Variants in TENM3 observed in about 807,000 individuals in gnomAD.
TENM3 encodes teneurin transmembrane protein 3, also known as teneurin-3.
Under a neutral mutation model 255.1 loss-of-function variants are expected in TENM3, and 63 were observed. The ratio of observed to expected loss-of-function variants is 0.25; its 90% CI spans 0.20 to 0.30. The LOEUF is 0.30. TENM3 is among the 10% of genes least tolerant of loss of function. The probability of loss-of-function intolerance (pLI) is 1.00; values close to 1 mark genes in which losing one functional copy is unlikely to be tolerated. For synonymous variants in TENM3, 1,306 were observed against 1,322.3 expected (o/e 0.99, Z 0.27); for missense variants, 2,929 against 3,461.1 (o/e 0.85, Z 3.86).
At chr4:182,222,040 G>A (rs1290485734) in intron 1 of TENM3, among the ~76,000 whole-genome samples, 3 of 152,164 alleles carry the variant, frequency 2.0e-5, no homozygotes, top group Non-Finnish European at 2.9e-5. Context: ...CCTTGTTAAA[G>A]TTCAAGGCTT....
chr4:181,944,579 G>A, the TENM3 span, among the ~76,000 whole-genome samples: 1 of 152,138 alleles, frequency 6.6e-6, no homozygotes, highest in Non-Finnish European at 1.5e-5. Flanking sequence ...TACCATCACA[G>A]AGAGAGTATA....
At chr4:181,626,643 A>T in the TENM3 span, among the ~76,000 whole-genome samples, 1 of 152,152 alleles carries the variant, frequency 6.6e-6, no homozygotes, top group African/African-American at 2.4e-5. Flanking sequence ...ACTCATTACC[A>T]TGGGAATGGA....
At chr4:181,980,722 A>T in the TENM3 span, among the ~76,000 whole-genome samples, 1 of 152,236 alleles carries the variant, frequency 6.6e-6, no homozygotes, top group African/African-American at 2.4e-5. Flanking sequence ...TAGTCATTTA[A>T]CAATAACTAG....
the TENM3 span, among the ~76,000 whole-genome samples, chr4:182,135,204 CAAAAAAAAAAAAAAAA>C: frequency 1.1e-4 from 9 of 81,564 alleles, no homozygotes; most frequent in African/African-American, 3.8e-4. Context: ...GACTCGGTCT[CAAAAAAAAAAAAAAAA>C]AAAAAAAAAA....
the TENM3 span, among the ~76,000 whole-genome samples, chr4:181,878,238 G>C: frequency 3.3e-5 from 5 of 151,918 alleles, no homozygotes; most frequent in East Asian, 9.7e-4. Flanking sequence ...CATTATATTC[G>C]GGTGAATGGA....
the TENM3 span, among the ~76,000 whole-genome samples, chr4:181,486,801 C>T: frequency 4.3e-3 from 660 of 152,218 alleles, 26 homozygotes; most frequent in Admixed American, 0.036. Flanking sequence ...AACCTAAAGA[C>T]GATAGCTACA....
the TENM3 span, among the ~76,000 whole-genome samples, chr4:181,909,803 C>T: frequency 2.0e-5 from 3 of 152,162 alleles, no homozygotes; most frequent in African/African-American, 7.2e-5. Context: ...CATTAACCTA[C>T]GCAATACTAA....
intron 1 of TENM3, among the ~76,000 whole-genome samples, chr4:182,287,069 A>G (rs1004660032): frequency 1.3e-5 from 2 of 152,276 alleles, no homozygotes; most frequent in East Asian, 1.9e-4. Flanking sequence ...TCTACAAAAA[A>G]GTTTAAAAAT....
chr4:182,316,690 A>G (rs1189454732), intron 1 of TENM3, among the ~76,000 whole-genome samples: 1 of 147,908 alleles, frequency 6.8e-6, no homozygotes, highest in Non-Finnish European at 1.5e-5. Flanking sequence ...TGTGCCCTCC[A>G]GTGGTCTCCT....
At chr4:182,425,962 C>G (rs1372426924) in intron 3 of TENM3, among the ~76,000 whole-genome samples, 4 of 135,378 alleles carry the variant, frequency 3.0e-5, no homozygotes, top group Non-Finnish European at 6.1e-5. Context: ...GAGCTGTGAT[C>G]GCACCATTGC....
chr4:182,016,805 G>T, the TENM3 span, among the ~76,000 whole-genome samples: 1 of 152,102 alleles, frequency 6.6e-6, no homozygotes, highest in Non-Finnish European at 1.5e-5. Flanking sequence ...TTTGTTATTA[G>T]TATTCACTTT....
At chr4:181,693,744 T>G in the TENM3 span, among the ~76,000 whole-genome samples, 1 of 152,154 alleles carries the variant, frequency 6.6e-6, no homozygotes, top group South Asian at 2.1e-4. Context: ...CTTCCGGAAA[T>G]CCTACCCTCA....
the TENM3 span, among the ~76,000 whole-genome samples, chr4:181,973,742 C>G: frequency 6.6e-6 from 1 of 152,136 alleles, no homozygotes; most frequent in Admixed American, 6.5e-5. Context: ...GCCTGGGTGA[C>G]AGAGCCAGGC....
the TENM3 span, among the ~76,000 whole-genome samples, chr4:181,671,110 G>A: frequency 6.6e-6 from 1 of 152,126 alleles, no homozygotes; most frequent in Non-Finnish European, 1.5e-5. Context: ...TAAACGGTTA[G>A]AATTAGAAAG....
At chr4:182,336,329 GTTCTGGCTTAGGAAGAAGCCAAAAAAAA>G (rs1764134416) in intron 2 of TENM3, among the ~76,000 whole-genome samples, 1 of 148,944 alleles carries the variant, frequency 6.7e-6, no homozygotes, top group African/African-American at 2.5e-5. Context: ...AGTTTTTGAA[GTTCTGGCTTAGGAAGAAGCCAAAAAAAA>G]AAAGCAATTC....
At chr4:182,607,252 A>T (rs185194194) in intron 4 of TENM3, among the ~76,000 whole-genome samples, 6 of 152,292 alleles carry the variant, frequency 3.9e-5, no homozygotes, top group Admixed American at 3.9e-4. Context: ...TAAGAAAAGC[A>T]TTTGTCTTAA....
intron 6 of TENM3, among the ~76,000 whole-genome samples, chr4:182,669,911 C>G (rs1755058254): frequency 6.6e-6 from 1 of 152,080 alleles, no homozygotes; most frequent in Non-Finnish European, 1.5e-5. Flanking sequence ...GGTGAAACTA[C>G]CTGTCATATT....
chr4:181,696,710 A>G, the TENM3 span, among the ~76,000 whole-genome samples: 2 of 152,172 alleles, frequency 1.3e-5, no homozygotes, highest in Non-Finnish European at 2.9e-5. Flanking sequence ...AACCAAACTG[A>G]GTTATTATGA....
At position 182,678,452 on chromosome 4, in the gene TENM3, A is replaced by G. The variant is rs189216745; in HGVS notation, c.1327-1214A>G. Among the ~76,000 whole-genome samples, 145 of 152,254 alleles carry G rather than the reference A, an allele frequency of 9.5e-4. 1 individual carries two copies. Among genetic ancestry groups the G allele is most frequent in the African/African-American group, 3.2e-3 (135 of 41,556 alleles). On this transcript the variant is annotated intron_variant, in intron 7 of 27. Coordinates refer to ENST00000511685, the MANE Select transcript of TENM3 (RefSeq NM_001080477.4). The stretch of plus-strand genomic sequence containing the variant: ...CAAAGATGTAAAGGCATCTTGTTAC[A>G]TGTTTCTAATCTAACAATAACTAAG...
Sources: allele counts gnomAD v4.1 joint callset (sites outside exome capture counted in the v4.1 genomes callset), GRCh38; gene constraint gnomAD v4.1.1; transcripts MANE v1.5; gene names NCBI Gene and HGNC (gene_info 2026-07-23, HGNC 2026-07-21).